LYRM4: variants seen among roughly 807,000 people sequenced by gnomAD.
LYRM4 encodes the protein LYR motif-containing protein 4.
Under a neutral mutation model 11.7 loss-of-function variants are expected in LYRM4, and 9 were observed. The ratio of observed to expected loss-of-function variants is 0.77; its 90% CI spans 0.46 to 1.34. LYRM4 has a LOEUF of 1.34. LYRM4 is among the 40% of genes most tolerant of loss of function. LYRM4 has a pLI of 0.00. For synonymous variants in LYRM4, 42 were observed against 40.4 expected, an observed-to-expected ratio of 1.04 and a Z score of -0.15; for missense variants, 133 against 112.5, an observed-to-expected ratio of 1.18 and a Z score of -0.82.
At chr6:5,086,550 G>A in the LYRM4 span, 480 of 1,525,076 alleles carry the variant, frequency 3.1e-4, 2 homozygotes, top group African/African-American at 5.9e-3. Context: ...CGCGCCCTGC[G>A]GACGCGCTCT....
At chr6:5,207,015 G>A (rs1761737836) in intron 2 of LYRM4, among the ~76,000 whole-genome samples, 1 of 152,152 alleles carries the variant, frequency 6.6e-6, no homozygotes, top group African/African-American at 2.4e-5. Flanking sequence ...GCCTTTAGTA[G>A]AAACACTGAG....
At chr6:5,151,531 G>A (rs1362714758) in intron 2 of LYRM4, among the ~76,000 whole-genome samples, 1 of 152,160 alleles carries the variant, frequency 6.6e-6, no homozygotes, top group Non-Finnish European at 1.5e-5. Context: ...CGGTCCTTGA[G>A]CAAACGGCTC....
At chr6:5,085,961 C>T in the LYRM4 span, 2 of 1,527,462 alleles carry the variant, frequency 1.3e-6, no homozygotes, top group Admixed American at 2.0e-5. Flanking sequence ...GTGCCGCCCG[C>T]CGTGCTCTCG....
intron 2 of LYRM4, among the ~76,000 whole-genome samples, chr6:5,155,641 G>C (rs917155286): frequency 3.9e-5 from 6 of 152,138 alleles, no homozygotes; most frequent in African/African-American, 1.2e-4. Context: ...CAGCCTACCA[G>C]AAAACCAGGA....
At chr6:5,219,238 C>T (rs1212190025) in intron 1 of LYRM4, among the ~76,000 whole-genome samples, 12 of 152,144 alleles carry the variant, frequency 7.9e-5, no homozygotes, top group Admixed American at 2.0e-4. Flanking sequence ...GAGAAAATAG[C>T]TTAAAACACT....
chr6:5,260,251 C>T (rs1581622638), intron 1 of LYRM4, among the ~76,000 whole-genome samples: 1 of 152,214 alleles, frequency 6.6e-6, no homozygotes, highest in Non-Finnish European at 1.5e-5. Flanking sequence ...TCACTGGCCA[C>T]TTCCACTCTC....
At chr6:5,221,453 G>C (rs1219976536) in intron 1 of LYRM4, among the ~76,000 whole-genome samples, 1 of 152,210 alleles carries the variant, frequency 6.6e-6, no homozygotes, top group Non-Finnish European at 1.5e-5. Context: ...TCAGCACTCT[G>C]GGAGGCCAAG....
chr6:5,176,771 C>T (rs1759744807), intron 2 of LYRM4, among the ~76,000 whole-genome samples: 1 of 152,184 alleles, frequency 6.6e-6, no homozygotes, highest in Admixed American at 6.5e-5. Flanking sequence ...GTTTCTTTCA[C>T]AGTGGTTAAA....
downstream of LYRM4, among the ~76,000 whole-genome samples, chr6:5,100,418 G>A (rs1762464033): frequency 6.6e-6 from 1 of 152,164 alleles, no homozygotes; most frequent in South Asian, 2.1e-4. Context: ...CTGTCTACAT[G>A]ATGGATGGAA....
At chr6:5,178,770 A>ACTCC (rs1452843464) in intron 2 of LYRM4, among the ~76,000 whole-genome samples, 18 of 119,202 alleles carry the variant, frequency 1.5e-4, no homozygotes, top group African/African-American at 5.8e-4. Flanking sequence ...ACGCCATTGC[A>ACTCC]CTCCAGCCTG....
At chr6:5,185,128 C>T (rs570108473) in intron 2 of LYRM4, among the ~76,000 whole-genome samples, 42 of 152,310 alleles carry the variant, frequency 2.8e-4, no homozygotes, top group African/African-American at 9.6e-4. Flanking sequence ...CCTCGAGGGT[C>T]GAGTCGCCCC....
intron 2 of LYRM4, among the ~76,000 whole-genome samples, chr6:5,176,905 T>C (rs7763280): frequency 0.46 from 70,150 of 152,042 alleles, 16,560 homozygotes; most frequent in East Asian, 0.6. Flanking sequence ...TCCCATCACA[T>C]AATTACAAAT....
the LYRM4 span, chr6:5,066,137 G>C: frequency 1.8e-6 from 1 of 558,558 alleles, no homozygotes; most frequent in African/African-American, 1.9e-5. Flanking sequence ...CTACACTTTG[G>C]GTTTTCCAGC....
At chr6:5,091,646 A>G in the LYRM4 span, among the ~76,000 whole-genome samples, 7 of 152,240 alleles carry the variant, frequency 4.6e-5, no homozygotes, top group African/African-American at 1.7e-4. Context: ...GATGTTTGAG[A>G]TGGCAAAGAT....
intron 2 of LYRM4, among the ~76,000 whole-genome samples, chr6:5,184,737 T>C (rs1172524390): frequency 6.6e-6 from 1 of 152,186 alleles, no homozygotes; most frequent in Admixed American, 6.5e-5. Flanking sequence ...TTGCTGAGCA[T>C]CTACTGTGGA....
chr6:5,140,143 A>T (rs1056250921), intron 2 of LYRM4, among the ~76,000 whole-genome samples: 2 of 149,680 alleles, frequency 1.3e-5, no homozygotes, highest in African/African-American at 4.9e-5. Flanking sequence ...TGGGAAGATC[A>T]CTTAAGCCTG....
chr6:5,039,430 A>C, the LYRM4 span, among the ~76,000 whole-genome samples: 4 of 152,206 alleles, frequency 2.6e-5, no homozygotes, highest in African/African-American at 9.7e-5. Context: ...ATTTTTTAGA[A>C]CAATGAAGAG....
intron 2 of LYRM4, among the ~76,000 whole-genome samples, chr6:5,193,572 A>G (rs1279931470): frequency 6.6e-6 from 1 of 152,222 alleles, no homozygotes; most frequent in African/African-American, 2.4e-5. Context: ...TGGAGAAGTC[A>G]GAGGGAGAGT....
At chr6:5,202,587 T>G (rs1353089228) in intron 2 of LYRM4, among the ~76,000 whole-genome samples, 1 of 152,196 alleles carries the variant, frequency 6.6e-6, no homozygotes, top group Non-Finnish European at 1.5e-5. Context: ...AAGTACTTGT[T>G]CCAACAGGCC....
Sources: gnomAD v4.1 joint callset for allele counts (sites outside exome capture counted in the v4.1 genomes callset) on GRCh38, gnomAD v4.1.1 for gene constraint, MANE v1.5 for transcripts, NCBI Gene and HGNC (gene_info 2026-07-23, HGNC 2026-07-21) for gene names.